Variants in PLGRKT observed in about 807,000 individuals in gnomAD.
PLGRKT encodes the protein plasminogen receptor (KT).
PLGRKT carries 22 observed loss-of-function variants against 18.5 expected under a neutral mutation model. That is an observed-to-expected ratio of 1.19 (90% CI 0.85 to 1.70). The LOEUF (loss-of-function observed/expected upper bound fraction) is 1.70, where lower values mean the gene tolerates loss of function less well. Ranked by LOEUF, PLGRKT falls within the 40% of genes most tolerant of loss-of-function variation. The pLI is 0.00. For missense variants in PLGRKT, 235 were observed against 174.4 expected, an observed-to-expected ratio of 1.35 and a Z score of -1.96; for synonymous variants, 72 against 52.8, an observed-to-expected ratio of 1.36 and a Z score of -1.58.
chr9:5,395,074 C>A (rs1483989694), intron 3 of PLGRKT, among the ~76,000 whole-genome samples: 1 of 147,758 alleles, frequency 6.8e-6, no homozygotes, highest in African/African-American at 2.5e-5. Flanking sequence ...AAATATTACA[C>A]TTAGATTTTC....
In PLGRKT at chr9:5,381,169, G is replaced by C. The variant is rs143879265; in HGVS notation, c.82-19281C>G. 1.8e-3 allele frequency among the ~76,000 whole-genome samples: 278 copies of C among 152,344 alleles called. 1 individual carries two copies. The highest frequency in any genetic ancestry group is 6.2e-3 in the African/African-American group (258 of 41,584). ...AACAGACTAATACAGAAAATTGGTAGTGGGAGTTTGGAGCCAAATGTTAAT... is the reference window on the plus strand; with the variant it reads ...AACAGACTAATACAGAAAATTGGTACTGGGAGTTTGGAGCCAAATGTTAAT... On this transcript the variant is annotated intron_variant, in intron 3 of 5. Coordinates refer to ENST00000223864, the MANE Select transcript of PLGRKT (RefSeq NM_018465.4).
intron 3 of PLGRKT, among the ~76,000 whole-genome samples, chr9:5,425,339 T>C (rs914717395): frequency 6.6e-6 from 1 of 152,200 alleles, no homozygotes; most frequent in Non-Finnish European, 1.5e-5. Flanking sequence ...GTTGATAATC[T>C]GAAAATATCA....
chr9:5,404,243 G>C (rs1818212552), intron 3 of PLGRKT, among the ~76,000 whole-genome samples: 1 of 152,042 alleles, frequency 6.6e-6, no homozygotes, highest in Non-Finnish European at 1.5e-5. Flanking sequence ...CCAAACAATT[G>C]AAAAGGAGGG....
intron 3 of PLGRKT, among the ~76,000 whole-genome samples, chr9:5,364,455 A>G (rs1817338789): frequency 1.3e-5 from 2 of 152,108 alleles, no homozygotes; most frequent in African/African-American, 4.8e-5. Flanking sequence ...ATTTGTCAAA[A>G]CTCATAAAAC....
intron 3 of PLGRKT, among the ~76,000 whole-genome samples, chr9:5,386,329 T>G (rs1824164723): frequency 6.6e-6 from 1 of 151,882 alleles, no homozygotes; most frequent in African/African-American, 2.4e-5. Context: ...TTAGGATATT[T>G]TAGCCTCAAA....
chr9:5,424,617 ATAT>A (rs1328760389), intron 3 of PLGRKT, among the ~76,000 whole-genome samples: 4 of 119,380 alleles, frequency 3.4e-5, no homozygotes, highest in African/African-American at 9.8e-5. Context: ...ATTATTTATT[ATAT>A]TATATTATAT....
chr9:5,361,924 A>G, intron 3 of PLGRKT, 36 bp from the exon 4 acceptor site: 1 of 1,585,096 alleles, frequency 6.3e-7, no homozygotes, highest in Non-Finnish European at 8.6e-7. Context: ...AAAGTTACTC[A>G]TCTTTGGAAT....
intron 3 of PLGRKT, among the ~76,000 whole-genome samples, chr9:5,374,959 C>T (rs1401745798): frequency 1.3e-5 from 2 of 152,056 alleles, no homozygotes; most frequent in African/African-American, 2.4e-5. Flanking sequence ...GTCAGCTTGA[C>T]CCAGTTACAA....
rs190641201 is a variant in PLGRKT, at chr9:5,359,611, G to A, written c.323-1251C>T. ...AGAATGGCTGATGATAAACTCAGTC[G>A]AATAGGGATTGTATATTTTAGGGTC... On this transcript the variant is annotated intron_variant, in intron 5 of 5. Coordinates refer to ENST00000223864, the MANE Select transcript of PLGRKT (RefSeq NM_018465.4). 1.6e-3 allele frequency among the ~76,000 whole-genome samples: 236 copies of A among 152,244 alleles called. 3 individuals are homozygous for A. Among genetic ancestry groups the A allele is most frequent in the African/African-American group, 5.5e-3 (229 of 41,550 alleles).
intron 2 of PLGRKT, among the ~76,000 whole-genome samples, chr9:5,434,032 C>T (rs1309762371): frequency 2.0e-5 from 3 of 147,948 alleles, no homozygotes; most frequent in Non-Finnish European, 3.0e-5. Flanking sequence ...CCCGTTGCCC[C>T]AAATGGGAAG....
chr9:5,413,402 T>G (rs190617523), intron 3 of PLGRKT, among the ~76,000 whole-genome samples: 1 of 152,256 alleles, frequency 6.6e-6, no homozygotes, highest in East Asian at 1.9e-4. Flanking sequence ...AAAAGGACTT[T>G]GTAGATCTGA....
intron 3 of PLGRKT, among the ~76,000 whole-genome samples, chr9:5,373,692 G>A (rs1817572606): frequency 6.6e-6 from 1 of 152,104 alleles, no homozygotes. Context: ...TGGCTACTTG[G>A]CAGGCTGAGG....
chr9:5,411,562 G>A (rs557542935), intron 3 of PLGRKT, among the ~76,000 whole-genome samples: 2 of 152,132 alleles, frequency 1.3e-5, no homozygotes, highest in Non-Finnish European at 2.9e-5. Context: ...AGTCAGGTTC[G>A]GACACAGGTA....
rs955507335 is a variant in PLGRKT at position 5,418,449 on chromosome 9, G to T, written c.81+13448C>A. ...CGATGCTGAGGAGGAAGACCAAGAC[G>T]CAAGCCACCAAGATGACAGTGCACA... On this transcript the variant is annotated intron_variant, in intron 3 of 5. Coordinates refer to ENST00000223864, the MANE Select transcript of PLGRKT (RefSeq NM_018465.4). This position sits in a 1 kb window ranked among gnomAD's most constrained non-coding sequence, Gnocchi z 4.2. 3 of 1,005,012 alleles carry T rather than the reference G, an allele frequency of 3.0e-6. No homozygotes were observed. Among genetic ancestry groups the T allele is most frequent in the African/African-American group, 3.1e-5 (2 of 63,514 alleles). The allele number at this position is 1,005,012 out of a possible 1,614,324, so 62.3% of individuals were successfully genotyped here.
In PLGRKT at chr9:5,405,547, G is replaced by C. The variant is rs114405389; in HGVS notation, c.81+26350C>G. ...TTTAATAAATGGTGCTGAGAGAAAT[G>C]GTTAGCCATATGTAGAAAATTGAAA... On this transcript the variant is annotated intron_variant, in intron 3 of 5. Transcript: ENST00000223864. 3.2e-3 allele frequency among the ~76,000 whole-genome samples: 481 copies of C among 152,282 alleles called. 4 individuals carry two copies. Among genetic ancestry groups the C allele is most frequent in the African/African-American group, 0.011 (451 of 41,556 alleles).
chr9:5,419,464 C>T (rs1416134674), intron 3 of PLGRKT, among the ~76,000 whole-genome samples: 3 of 152,202 alleles, frequency 2.0e-5, no homozygotes, highest in Non-Finnish European at 4.4e-5. Context: ...GCTACAGCTT[C>T]GCGGGGTGGT....
At chr9:5,363,526 G>A (rs1200669313) in intron 3 of PLGRKT, among the ~76,000 whole-genome samples, 2 of 152,110 alleles carry the variant, frequency 1.3e-5, no homozygotes, top group African/African-American at 2.4e-5. Context: ...CCCCTTGGCC[G>A]CTGAGGGAGA....
At chr9:5,399,218 G>C (rs952491027) in intron 3 of PLGRKT, among the ~76,000 whole-genome samples, 6 of 151,788 alleles carry the variant, frequency 4.0e-5, no homozygotes, top group African/African-American at 1.5e-4. Flanking sequence ...GCATATGTGA[G>C]TAATTAAATA....
At chr9:5,431,811 G>A in intron 3 of PLGRKT, 86 bp downstream of exon 3, 1 of 682,354 alleles carries the variant, frequency 1.5e-6, no homozygotes, top group East Asian at 2.6e-5. Context: ...ATTGTTGGGA[G>A]TCAAAGAGAA....
Sources: gnomAD v4.1 joint callset for allele counts (sites outside exome capture counted in the v4.1 genomes callset) on GRCh38, gnomAD v4.1.1 for gene constraint, Gnocchi (gnomAD v3.1) non-coding constraint, MANE v1.5 for transcripts, NCBI Gene and HGNC (gene_info 2026-07-23, HGNC 2026-07-21) for gene names.